CRMP1: variants seen among roughly 807,000 people sequenced by gnomAD.
CRMP1 encodes the protein dihydropyrimidinase-related protein 1.
CRMP1 carries 19 observed loss-of-function variants against 68.3 expected under a neutral mutation model. The ratio of observed to expected loss-of-function variants is 0.28; its 90% CI spans 0.19 to 0.41. The LOEUF is 0.41. Among genes scored for constraint, CRMP1 ranks in the 10% least tolerant of loss-of-function variants. The pLI, the probability that CRMP1 is intolerant of heterozygous loss-of-function variation, is 1.00. For synonymous variants in CRMP1, 439 were observed against 399.6 expected, an observed-to-expected ratio of 1.10 and a Z score of -1.18; for missense variants, 791 against 967.4, an observed-to-expected ratio of 0.82 and a Z score of 2.42.
At position 5,825,294 on chromosome 4, in the gene CRMP1, A is replaced by AACATGGACCCCCCTCTGCTTGGTG; in HGVS notation, c.1969+176_1969+199dup. On this transcript the variant is annotated intron_variant, in intron 13 of 13. Coordinates refer to ENST00000324989, the MANE Select transcript of CRMP1 (RefSeq NM_001014809.3). This position sits in a 1 kb window ranked among gnomAD's most constrained non-coding sequence, Gnocchi z 4.4. ...TCAGGTACCACCATGTTGCCCCCCT[A>AACATGGACCCCCCTCTGCTTGGTG]ACATGGACCCCCCTCTGCTTGGTGA... The AACATGGACCCCCCTCTGCTTGGTG allele has an allele frequency of 2.0e-6, 2 of 985,062 alleles. No homozygotes were observed. Among genetic ancestry groups the AACATGGACCCCCCTCTGCTTGGTG allele is most frequent in the Admixed American group, 6.2e-5 (1 of 16,246 alleles). 61.0% of individuals were successfully genotyped at this position (985,062 alleles called of 1,614,324 possible).
chr4:5,887,331 T>C (rs867812691), intron 1 of CRMP1: 18 of 983,490 alleles, frequency 1.8e-5, no homozygotes, highest in Middle Eastern at 5.2e-4. Flanking sequence ...GGAGTCACCC[T>C]GGAGGATTCC....
rs960728786 is a variant in CRMP1 at position 5,843,971 on chromosome 4, A to T, written c.964-810T>A. Among the ~76,000 whole-genome samples, 10 of 75,232 alleles carry T rather than the reference A, an allele frequency of 1.3e-4. No homozygotes were observed. The highest frequency in any genetic ancestry group is 5.8e-4 in the African/African-American group (8 of 13,716). 49.4% of individuals were successfully genotyped at this position (75,232 alleles called of 152,430 possible). On this transcript the variant is annotated intron_variant, in intron 6 of 13. Transcript: ENST00000324989. The surrounding 1 kb of genome is among the most constrained non-coding windows in gnomAD (Gnocchi z 4.1). The stretch of plus-strand genomic sequence containing the variant: ...CACTTTAATTTCTAAAATAAAAAAT[A>T]AAAAAAAAATTTGACATTGCCCAGA...
chr4:5,878,001 C>T (rs1388651827), intron 1 of CRMP1, among the ~76,000 whole-genome samples: 2 of 152,216 alleles, frequency 1.3e-5, no homozygotes, highest in Non-Finnish European at 2.9e-5. Flanking sequence ...AGAAAGAAAT[C>T]CGAACAGAAC....
rs556613362 is a variant in CRMP1 at position 5,871,197 on chromosome 4, A to G, written c.382-4441T>C. Among the ~76,000 whole-genome samples, 15 of 152,318 alleles carry G rather than the reference A, an allele frequency of 9.8e-5. No individual in the cohort carries two copies. The East Asian group carries it at 2.1e-3, about 22-fold the overall frequency. On this transcript the variant is annotated intron_variant, in intron 1 of 13. Transcript: ENST00000324989. ...GGTCTACTTCTGAAAAAATAAGCCC[A>G]CAGGAAGCCAAGCACTGATTCAACC... is the stretch of plus-strand genomic sequence containing the variant.
chr4:5,868,257 A>ATATC (rs1201999131), intron 1 of CRMP1, among the ~76,000 whole-genome samples: 55 of 82,380 alleles, frequency 6.7e-4, no homozygotes, highest in Non-Finnish European at 1.1e-3. Context: ...TCATGACTAT[A>ATATC]TATCTATATA....
In CRMP1 at chr4:5,892,677, G is replaced by A; in HGVS notation, c.293C>T (p.Ser98Phe). 8.2e-7 allele frequency: 1 copy of A among 1,216,744 alleles called. No homozygotes were observed. Among genetic ancestry groups the A allele is most frequent in the Non-Finnish European group, 1.0e-6 (1 of 978,676 alleles). The allele number at this position is 1,216,744 out of a possible 1,614,324, so 75.4% of individuals were successfully genotyped here. A position where few individuals can be genotyped will look rare whatever the true frequency, so the allele number is the denominator to read the frequency against. The change falls in exon 1 of 14, where the codon TCT (serine) becomes TTT (phenylalanine). Residue 98 changes from serine to phenylalanine, a missense_variant. Physicochemically the swap from Ser to Phe is radical, Grantham distance 155 (BLOSUM62 -2). Coordinates refer to ENST00000324989, the MANE Select transcript of CRMP1 (RefSeq NM_001014809.3). The surrounding 1 kb of genome is among the most constrained non-coding windows in gnomAD (Gnocchi z 8.6). ...VSEPSGSAVS[S>F]PGERDERPPT... is the part of the protein sequence containing the mutation. ...CGGCCGCTCGTCGCGCTCTCCGGGAGAGCTGACCGCGGAGCCCGAGGGCTC... is the reference window on the plus strand; with the variant it reads ...CGGCCGCTCGTCGCGCTCTCCGGGAAAGCTGACCGCGGAGCCCGAGGGCTC...
Position 5,888,097 on chromosome 4 carries a change from G to A in CRMP1, c.381+4492C>T, listed in dbSNP as rs890990432. On this transcript the variant is annotated intron_variant, in intron 1 of 13. Transcript: ENST00000324989. This position sits in a 1 kb window ranked among gnomAD's most constrained non-coding sequence, Gnocchi z 6.4. ...GGGCTGAAATCCCGAGACCGGCCCCGCCCCACCCGCGGCGACGCAGGAGGC... is the reference window on the plus strand; with the variant it reads ...GGGCTGAAATCCCGAGACCGGCCCCACCCCACCCGCGGCGACGCAGGAGGC... 3 of 1,078,422 alleles carry A rather than the reference G, an allele frequency of 2.8e-6. No individual in the cohort carries two copies. Among genetic ancestry groups the A allele is most frequent in the Non-Finnish European group, 3.5e-6 (3 of 852,782 alleles). The allele number at this position is 1,078,422 out of a possible 1,614,324, so 66.8% of individuals were successfully genotyped here.
At position 5,853,128 on chromosome 4, in the gene CRMP1, C is replaced by T. The variant is rs1454396718; in HGVS notation, c.821-1659G>A. On this transcript the variant is annotated intron_variant, in intron 4 of 13. Transcript: ENST00000324989. The surrounding 1 kb of genome is among the most constrained non-coding windows in gnomAD (Gnocchi z 4.7). The stretch of plus-strand genomic sequence containing the variant: ...ATTTAAGCTGATTAGAAAATAAAAA[C>T]ACAGGTGGGAGCAGTGGCTCACGCC... Among the ~76,000 whole-genome samples the T allele has an allele frequency of 1.3e-5, 2 of 152,216 alleles. No homozygotes were observed. Among genetic ancestry groups the T allele is most frequent in the Non-Finnish European group, 2.9e-5 (2 of 68,042 alleles).
At position 5,870,123 on chromosome 4, in the gene CRMP1, C is replaced by T. The variant is rs1390378714; in HGVS notation, c.382-3367G>A. Among the ~76,000 whole-genome samples, 1 of 152,196 alleles carries T rather than the reference C, an allele frequency of 6.6e-6. No individual in the cohort carries two copies. The highest frequency in any genetic ancestry group is 1.5e-5 in the Non-Finnish European group (1 of 68,038). On this transcript the variant is annotated intron_variant, in intron 1 of 13. Transcript: ENST00000324989. This position sits in a 1 kb window ranked among gnomAD's most constrained non-coding sequence, Gnocchi z 6.0. The stretch of plus-strand genomic sequence containing the variant: ...AGAGTGAAAGCCAAGGTCAGCGAGA[C>T]CCCAGTTAATCTGGAGTCCCAGGTT...
At chr4:5,823,326 T>A (rs1718990992) in intron 13 of CRMP1, among the ~76,000 whole-genome samples, 1 of 152,256 alleles carries the variant, frequency 6.6e-6, no homozygotes, top group Admixed American at 6.5e-5. Context: ...CAATATGTCT[T>A]CTTGCAATAC....
chr4:5,888,243 G>T lies in CRMP1; in HGVS notation c.381+4346C>A. On this transcript the variant is annotated intron_variant, in intron 1 of 13. Transcript: ENST00000324989. The surrounding 1 kb of genome is among the most constrained non-coding windows in gnomAD (Gnocchi z 6.4). ...GGCCGCTTACCGTGATGTGCGGGAT[G>T]CTCTTCTTGCCCTGGTACGACATGG... is the stretch of plus-strand genomic sequence containing the variant. 1 of 1,287,960 alleles carries T rather than the reference G, an allele frequency of 7.8e-7. No individual in the cohort carries two copies. The allele number at this position is 1,287,960 out of a possible 1,614,324, so 79.8% of individuals were successfully genotyped here.
chr4:5,841,596 G>T lies in CRMP1; in HGVS notation c.1033-168C>A, dbSNP rs536940962. On this transcript the variant is annotated intron_variant, in intron 7 of 13. Coordinates refer to ENST00000324989, the MANE Select transcript of CRMP1 (RefSeq NM_001014809.3). This position sits in a 1 kb window ranked among gnomAD's most constrained non-coding sequence, Gnocchi z 6.9. ...ACAGTGCCCCCTGCTCTCCGGGGTG[G>T]AGCATTGGTCTCACGCTGGGATACG... Among the ~76,000 whole-genome samples the T allele has an allele frequency of 1.5e-3, 230 of 152,304 alleles. 1 individual carries two copies. The highest frequency in any genetic ancestry group is 5.5e-3 in the African/African-American group (227 of 41,564).
At chr4:5,837,905 A>G (rs574327718) in intron 9 of CRMP1, among the ~76,000 whole-genome samples, 1 of 152,256 alleles carries the variant, frequency 6.6e-6, no homozygotes, top group East Asian at 1.9e-4. Context: ...ACTGCATCTA[A>G]GATCAGAAAG....
intron 1 of CRMP1, among the ~76,000 whole-genome samples, chr4:5,871,807 A>G (rs555463271): frequency 1.2e-4 from 18 of 152,376 alleles, no homozygotes; most frequent in Non-Finnish European, 2.9e-5. Context: ...ATCTTTTCCA[A>G]ACTCAGGTCC....
intron 11 of CRMP1, among the ~76,000 whole-genome samples, chr4:5,829,980 C>G (rs1422602170): frequency 6.6e-6 from 1 of 152,296 alleles, no homozygotes. Context: ...AACAAAACTC[C>G]GTGAGCTTAC....
intron 6 of CRMP1, among the ~76,000 whole-genome samples, chr4:5,847,157 C>T (rs948587758): frequency 3.9e-5 from 6 of 152,106 alleles, no homozygotes; most frequent in African/African-American, 1.4e-4. Context: ...TTCTATTTTT[C>T]CCTTTTTGAA....
intron 9 of CRMP1, among the ~76,000 whole-genome samples, chr4:5,839,135 T>C (rs1234878616): frequency 6.6e-6 from 1 of 152,244 alleles, no homozygotes; most frequent in Non-Finnish European, 1.5e-5. Context: ...CCACAGGTAC[T>C]GTCTGCTTCC....
intron 4 of CRMP1, among the ~76,000 whole-genome samples, chr4:5,852,104 C>T (rs1174244927): frequency 6.6e-6 from 1 of 152,300 alleles, no homozygotes; most frequent in Non-Finnish European, 1.5e-5. Flanking sequence ...GATGAAAAGA[C>T]ATTAGTCATG....
chr4:5,851,001 C>A (rs569983606), intron 5 of CRMP1, among the ~76,000 whole-genome samples: 1 of 152,236 alleles, frequency 6.6e-6, no homozygotes, highest in Non-Finnish European at 1.5e-5. Context: ...CAGGCAGTCT[C>A]TCTTCCTGTG....
Sources: gnomAD v4.1 joint callset for allele counts (sites outside exome capture counted in the v4.1 genomes callset) on GRCh38, gnomAD v4.1.1 for gene constraint, Gnocchi (gnomAD v3.1) non-coding constraint, MANE v1.5 for transcripts, NCBI Gene and HGNC (gene_info 2026-07-23, HGNC 2026-07-21) for gene names.